PGBD5: variants seen among roughly 807,000 people sequenced by gnomAD.
The protein encoded by PGBD5 is piggyBac transposable element derived 5.
Under a neutral mutation model 47.9 loss-of-function variants are expected in PGBD5, and 14 were observed. That is an observed-to-expected ratio of 0.29 (90% CI 0.19 to 0.46). The LOEUF is 0.46. Ranked by LOEUF, PGBD5 falls within the 20% of genes least tolerant of loss-of-function variation. The pLI, the probability that PGBD5 is intolerant of heterozygous loss-of-function variation, is 1.00. For synonymous variants in PGBD5, 316 were observed against 306.3 expected (o/e 1.03, Z -0.33); for missense variants, 635 against 716.0 (o/e 0.89, Z 1.29).
At chr1:230,361,483 A>C (rs1418101007) in intron 1 of PGBD5, among the ~76,000 whole-genome samples, 1 of 152,048 alleles carries the variant, frequency 6.6e-6, no homozygotes, top group Non-Finnish European at 1.5e-5. Context: ...ATTCATGTCA[A>C]GGCCCCCATC....
chr1:230,416,641 G>A (rs971929480), intron 1 of PGBD5, among the ~76,000 whole-genome samples: 1 of 152,212 alleles, frequency 6.6e-6, no homozygotes, highest in African/African-American at 2.4e-5. Context: ...TTCCGGGCAA[G>A]GGCCTGGCAG....
intron 1 of PGBD5, among the ~76,000 whole-genome samples, chr1:230,393,686 G>A (rs1003625848): frequency 1.3e-5 from 2 of 152,014 alleles, no homozygotes; most frequent in Non-Finnish European, 2.9e-5. Context: ...TTAGCCGGGC[G>A]CAGTGGCGGG....
chr1:230,399,874 G>A (rs1344137511), intron 1 of PGBD5, among the ~76,000 whole-genome samples: 1 of 152,232 alleles, frequency 6.6e-6, no homozygotes, highest in African/African-American at 2.4e-5. Context: ...AACACGTCAG[G>A]AATCTGAAGG....
intron 3 of PGBD5, among the ~76,000 whole-genome samples, chr1:230,340,159 C>T (rs1277201270): frequency 6.6e-6 from 1 of 152,020 alleles, no homozygotes; most frequent in Non-Finnish European, 1.5e-5. Flanking sequence ...AATATTCATG[C>T]TATTTTACTC....
chr1:230,377,280 A>T (rs910517243), intron 1 of PGBD5, among the ~76,000 whole-genome samples: 2 of 152,222 alleles, frequency 1.3e-5, no homozygotes, highest in African/African-American at 4.8e-5. Context: ...CCTGATTCCA[A>T]CATTGTGTGC....
In PGBD5 at chr1:230,333,058, G is replaced by A. The variant is rs1484417501; in HGVS notation, c.1076-17C>T. The A allele has an allele frequency of 1.9e-6, 3 of 1,575,580 alleles. No individual in the cohort carries two copies. The highest frequency in any genetic ancestry group is 1.9e-5 in the Admixed American group (1 of 52,430). On this transcript the variant is annotated splice_polypyrimidine_tract_variant and intron_variant, in intron 4 of 6. Transcript: ENST00000391860. ...AGTAAATCCCTGAGGGGAGAGGGAG[G>A]AAGGATCGCACACTCACCACCATCG...
At chr1:230,378,888 A>G (rs1174019471) in intron 1 of PGBD5, among the ~76,000 whole-genome samples, 1 of 152,200 alleles carries the variant, frequency 6.6e-6, no homozygotes, top group African/African-American at 2.4e-5. Flanking sequence ...GAGTCAACCC[A>G]AAGAAAGCAG....
At chr1:230,327,118 G>A (rs12135882) in intron 5 of PGBD5, among the ~76,000 whole-genome samples, 60,107 of 151,886 alleles carry the variant, frequency 0.4, 14,859 homozygotes, top group Non-Finnish European at 0.54. Flanking sequence ...CCTAACAGCC[G>A]CGGCCATTCG....
chr1:230,387,843 G>A (rs1344771831), intron 1 of PGBD5, among the ~76,000 whole-genome samples: 5 of 152,146 alleles, frequency 3.3e-5, no homozygotes, highest in African/African-American at 9.7e-5. Flanking sequence ...AGGAGGTATC[G>A]GCCAAGCAGA....
rs779940437 is a variant in PGBD5, at chr1:230,319,015, G to A, written c.*4410C>T. ...GGATCAGCAGAGAGGATTGGATATG[G>A]AAAGGAGAAAATCCCCCACAAAGTT... On this transcript the variant is annotated 3_prime_UTR_variant, in exon 7 of 7. Coordinates refer to ENST00000391860, the MANE Select transcript of PGBD5 (RefSeq NM_001258311.2). 2 of 152,280 alleles carry A rather than the reference G, an allele frequency of 1.3e-5. No homozygotes were observed. The highest frequency in any genetic ancestry group is 2.9e-5 in the Non-Finnish European group (2 of 68,080). The allele number at this position is 152,280 out of a possible 1,614,324, so 9.4% of individuals were successfully genotyped here. A position where few individuals can be genotyped will look rare whatever the true frequency, so the allele number is the denominator to read the frequency against.
intron 1 of PGBD5, among the ~76,000 whole-genome samples, chr1:230,364,689 A>G (rs1427692197): frequency 6.6e-6 from 1 of 152,270 alleles, no homozygotes; most frequent in Admixed American, 6.5e-5. Context: ...CACAGGAAAT[A>G]TGAACCATAG....
At chr1:230,414,488 A>C (rs539947315) in intron 1 of PGBD5, among the ~76,000 whole-genome samples, 97 of 152,332 alleles carry the variant, frequency 6.4e-4, no homozygotes, top group African/African-American at 2.3e-3. Context: ...GAGTCTATAC[A>C]TTTATAATAC....
In PGBD5 at chr1:230,337,222, G is replaced by C. The variant is rs557792044; in HGVS notation, c.961C>G (p.Leu321Val). 67 of 1,614,170 alleles carry C rather than the reference G, an allele frequency of 4.2e-5. No individual in the cohort carries two copies. Among genetic ancestry groups the C allele is most frequent in the Non-Finnish European group, 5.2e-5 (61 of 1,180,022 alleles). Residue 321 changes from leucine to valine, a missense_variant, in exon 4 of 7, where the codon CTC becomes GTC. Leu to Val is a conservative substitution (Grantham distance 32). Transcript: ENST00000391860. ...GLDALKNKPQLHSMVARSLCR... is the reference protein window; with the variant it reads ...GLDALKNKPQVHSMVARSLCR... ...AGGCTCCTGGCCACCATGCTGTGGA[G>C]CTGGGGCTTATTCTTCAGCGCATCC...
chr1:230,397,772 C>T (rs922302267), intron 1 of PGBD5, among the ~76,000 whole-genome samples: 2 of 152,226 alleles, frequency 1.3e-5, no homozygotes, highest in African/African-American at 4.8e-5. Context: ...GATCGGCAGG[C>T]TCAGAGCTTC....
At chr1:230,359,288 TTC>T (rs1273926698) in intron 1 of PGBD5, among the ~76,000 whole-genome samples, 1 of 152,186 alleles carries the variant, frequency 6.6e-6, no homozygotes, top group Non-Finnish European at 1.5e-5. Context: ...GGTCTCCAAC[TTC>T]TGACCTCAAG....
At chr1:230,331,244 C>A (rs1252474962) in intron 5 of PGBD5, among the ~76,000 whole-genome samples, 1 of 152,016 alleles carries the variant, frequency 6.6e-6, no homozygotes, top group Admixed American at 6.6e-5. Flanking sequence ...GAGACCCTGT[C>A]TCACAAAAAA....
chr1:230,417,216 T>C (rs1237132882), intron 1 of PGBD5, among the ~76,000 whole-genome samples: 1 of 152,078 alleles, frequency 6.6e-6, no homozygotes, highest in East Asian at 1.9e-4. Flanking sequence ...CAAGATCATG[T>C]TGTATTTCCT....
intron 3 of PGBD5, among the ~76,000 whole-genome samples, chr1:230,337,989 T>G (rs1667352576): frequency 6.6e-6 from 1 of 152,244 alleles, no homozygotes; most frequent in African/African-American, 2.4e-5. Context: ...GAAATGTGAC[T>G]TAGCGAAAAT....
intron 2 of PGBD5, among the ~76,000 whole-genome samples, chr1:230,353,804 C>T (rs968510983): frequency 6.6e-6 from 1 of 152,214 alleles, no homozygotes; most frequent in Non-Finnish European, 1.5e-5. Context: ...GCTGAATGTT[C>T]CAGGGTCCAA....
Sources: allele counts gnomAD v4.1 joint callset (sites outside exome capture counted in the v4.1 genomes callset), GRCh38; gene constraint gnomAD v4.1.1; transcripts MANE v1.5; gene names NCBI Gene and HGNC (gene_info 2026-07-23, HGNC 2026-07-21).